FOXJ3: variants seen among roughly 807,000 people sequenced by gnomAD.
FOXJ3 encodes the protein forkhead box protein J3.
A neutral mutation model predicts 76.1 loss-of-function variants in FOXJ3; 22 were observed. The observed-to-expected ratio is 0.29, with a 90% CI of 0.21 to 0.41. FOXJ3 has a LOEUF of 0.41. FOXJ3 is among the 10% of genes least tolerant of loss of function. FOXJ3 has a pLI of 1.00. For missense variants in FOXJ3, 613 were observed against 762.1 expected (o/e 0.80, Z 2.30); for synonymous variants, 269 against 261.2 (o/e 1.03, Z -0.29).
intron 1 of FOXJ3, among the ~76,000 whole-genome samples, chr1:42,314,365 C>G (rs538903588): frequency 5.9e-5 from 9 of 152,302 alleles, no homozygotes; most frequent in Middle Eastern, 6.8e-3. Flanking sequence ...ATTCTCCTGT[C>G]TCAGCCTCTC....
Position 42,221,736 on chromosome 1 carries a change from T to C in FOXJ3, c.528+6147A>G, listed in dbSNP as rs193122218. On this transcript the variant is annotated intron_variant, in intron 5 of 12. Transcript: ENST00000361346. The stretch of plus-strand genomic sequence containing the variant: ...GCTAAAAAACTACCTAAGATATATG[T>C]TCCCTCTTCTACTCCTTGACACTAG... 2.1e-3 allele frequency among the ~76,000 whole-genome samples: 316 copies of C among 151,528 alleles called. 3 individuals carry two copies. Among genetic ancestry groups the C allele is most frequent in the Non-Finnish European group, 2.6e-3 (179 of 67,872 alleles).
intron 4 of FOXJ3, among the ~76,000 whole-genome samples, chr1:42,242,452 T>G (rs1390421020): frequency 6.6e-6 from 1 of 151,616 alleles, no homozygotes; most frequent in Non-Finnish European, 1.5e-5. Context: ...AATGAAATAA[T>G]TCAATCAATG....
chr1:42,254,142 A>G (rs1650365412), intron 4 of FOXJ3, among the ~76,000 whole-genome samples: 1 of 152,170 alleles, frequency 6.6e-6, no homozygotes. Context: ...ACCCCATCAA[A>G]AAGTGGGCGA....
chr1:42,316,995 A>G (rs1431303011), intron 1 of FOXJ3, among the ~76,000 whole-genome samples: 2 of 152,154 alleles, frequency 1.3e-5, no homozygotes, highest in African/African-American at 2.4e-5. Flanking sequence ...GTAACTAAGC[A>G]CCACTTGTTC....
chr1:42,204,100 G>T (rs944180675), intron 6 of FOXJ3, among the ~76,000 whole-genome samples: 2 of 151,906 alleles, frequency 1.3e-5, no homozygotes, highest in African/African-American at 4.8e-5. Context: ...TGTCTCCCTG[G>T]TTGAATGACT....
intron 1 of FOXJ3, among the ~76,000 whole-genome samples, chr1:42,322,570 G>C (rs1021798385): frequency 6.6e-6 from 1 of 152,056 alleles, no homozygotes; most frequent in African/African-American, 2.4e-5. Flanking sequence ...AGGGCAGTTG[G>C]ATTAAAGTTG....
Position 42,194,977 on chromosome 1 carries a change from G to A in FOXJ3, c.847C>T (p.Leu283Phe), listed in dbSNP as rs772905277. Residue 283 changes from leucine (L) to phenylalanine (F), a missense_variant, in exon 8 of 13, where the codon CTT becomes TTT. Physicochemically the swap from Leu to Phe is conservative, Grantham distance 22. Coordinates refer to ENST00000361346, the MANE Select transcript of FOXJ3 (RefSeq NM_014947.5). ...TCTTCAAAATTATATTCTGAGAAAAGTAGTTGCTTGTCTCTTTCTGGAAGG... is the reference window on the plus strand; with the variant it reads ...TCTTCAAAATTATATTCTGAGAAAAATAGTTGCTTGTCTCTTTCTGGAAGG... ...YNLPERDKQL[L>F]FSEYNFEDLS... The A allele has an allele frequency of 2.5e-6, 4 of 1,612,994 alleles. No homozygotes were observed. The African/African-American group carries it at 5.3e-5, about 22-fold the overall frequency.
intron 4 of FOXJ3, 108 bp from the exon 5 acceptor site, chr1:42,228,074 GA>G: frequency 2.1e-6 from 1 of 477,234 alleles, no homozygotes; most frequent in Non-Finnish European, 3.7e-6. Flanking sequence ...AAATACAATG[GA>G]AAAATAGCAC....
intron 5 of FOXJ3, among the ~76,000 whole-genome samples, chr1:42,207,478 G>A (rs1310504892): frequency 6.6e-6 from 1 of 152,022 alleles, no homozygotes; most frequent in Admixed American, 6.6e-5. Flanking sequence ...TCTAAGAAAC[G>A]GTTTTTATTG....
Position 42,191,675 on chromosome 1 carries a change from A to C in FOXJ3, c.979T>G (p.Ser327Ala), listed in dbSNP as rs745851820. The C allele has an allele frequency of 2.5e-6, 4 of 1,614,068 alleles. No homozygotes were observed. The highest frequency in any genetic ancestry group is 3.4e-6 in the Non-Finnish European group (4 of 1,179,970). ...CTGGGAGAGTGCTGATAGGTACATG[A>C]AGTGTGGGACTGCTGGGAAGATTCA... is the stretch of plus-strand genomic sequence containing the variant. The part of the protein sequence containing the change: ...PSESSQQSHT[S>A]CTYQHSPSST... The change falls in exon 9 of 13, where the codon TCA becomes GCA. Residue 327 changes from serine (S) to alanine (A), a missense_variant. Around this residue, in one of 3 missense-constraint regions of FOXJ3, gnomAD observed 526 missense variants for 601.4 expected, o/e 0.87. Transcript: ENST00000361346.
chr1:42,286,669 C>T (rs987373350), intron 2 of FOXJ3, among the ~76,000 whole-genome samples: 1 of 152,084 alleles, frequency 6.6e-6, no homozygotes, highest in Non-Finnish European at 1.5e-5. Flanking sequence ...AGTTTCACTC[C>T]TGTCGCCCAG....
intron 4 of FOXJ3, among the ~76,000 whole-genome samples, chr1:42,251,144 G>T (rs549218804): frequency 2.6e-5 from 4 of 152,174 alleles, no homozygotes; most frequent in Admixed American, 6.5e-5. Context: ...CAGTCAAATT[G>T]CTGACATCCA....
At chr1:42,199,280 G>T in intron 6 of FOXJ3, 50 bp from the exon 7 acceptor site, 1 of 1,506,618 alleles carries the variant, frequency 6.6e-7, no homozygotes. Context: ...TACTTCTTAA[G>T]CAACTCTGCA....
chr1:42,204,769 T>G (rs1014996884), intron 6 of FOXJ3, among the ~76,000 whole-genome samples: 5 of 143,898 alleles, frequency 3.5e-5, no homozygotes, highest in African/African-American at 1.3e-4. Flanking sequence ...TTCCAGAGAC[T>G]GCCATGTGGG....
intron 6 of FOXJ3, among the ~76,000 whole-genome samples, chr1:42,201,272 G>A (rs140772392): frequency 4.1e-4 from 63 of 152,216 alleles, no homozygotes; most frequent in African/African-American, 1.3e-3. Flanking sequence ...CCTCCAACAC[G>A]ATGTCAAATA....
At chr1:42,307,038 C>G (rs776534081) in intron 2 of FOXJ3, among the ~76,000 whole-genome samples, 14 of 152,094 alleles carry the variant, frequency 9.2e-5, no homozygotes, top group Admixed American at 3.9e-4. Flanking sequence ...TCCTATAAAG[C>G]TCTCCCAAGA....
intron 11 of FOXJ3, among the ~76,000 whole-genome samples, chr1:42,183,170 GAC>G (rs1569755817): frequency 6.6e-6 from 1 of 150,422 alleles, no homozygotes; most frequent in East Asian, 2.0e-4. Context: ...CAGCTACTCA[GAC>G]TTGAACCTGG....
At chr1:42,221,250 T>A (rs756800397) in intron 5 of FOXJ3, among the ~76,000 whole-genome samples, 11 of 152,172 alleles carry the variant, frequency 7.2e-5, no homozygotes, top group Non-Finnish European at 1.6e-4. Context: ...TCTGACCTCA[T>A]GTGCTCCCTG....
intron 1 of FOXJ3, among the ~76,000 whole-genome samples, chr1:42,313,448 A>T (rs568622365): frequency 7.2e-5 from 11 of 152,312 alleles, no homozygotes; most frequent in Non-Finnish European, 1.5e-4. Context: ...TCTGGAGGAA[A>T]TCACCTTTGA....
Sources: allele counts gnomAD v4.1 joint callset (sites outside exome capture counted in the v4.1 genomes callset), GRCh38; gene constraint gnomAD v4.1.1; regional missense constraint gnomAD v4.1.1; transcripts MANE v1.5; gene names NCBI Gene and HGNC (gene_info 2026-07-23, HGNC 2026-07-21).